TENT5D: variants seen among roughly 807,000 people sequenced by gnomAD.
TENT5D encodes cancer/testis antigen 112.
For synonymous variants in TENT5D, 103 were observed against 100.6 expected (o/e 1.02, Z -0.15); for missense variants, 191 against 287.0 (o/e 0.67, Z 2.42).
At chrX:80,397,447 T>G (rs1403506234) in intron 3 of TENT5D, among the ~76,000 whole-genome samples, 18 of 92,950 alleles carry the variant, frequency 1.9e-4, no homozygotes, top group African/African-American at 7.1e-4. Flanking sequence ...CTTTCCAGAC[T>G]GGGCAGCCAG....
intron 3 of TENT5D, among the ~76,000 whole-genome samples, chrX:80,358,727 TAAG>T (rs1930341491): frequency 8.9e-6 from 1 of 111,989 alleles, no homozygotes; most frequent in Admixed American, 9.5e-5. Flanking sequence ...CAGCTCAATA[TAAG>T]AAGGAAATGT....
rs145232826 is a variant in TENT5D at position 80,437,730 on chromosome X, A to G, written c.-141-880A>G. 2.3e-4 allele frequency among the ~76,000 whole-genome samples: 26 copies of G among 111,831 alleles called. No individual in the cohort carries two copies. In the East Asian group the frequency reaches 5.1e-3, roughly 22 times the overall value. On this transcript the variant is annotated intron_variant, in intron 1 of 2. Coordinates refer to ENST00000308293, the Ensembl canonical transcript of TENT5D. Reference sequence around the variant, plus strand: ...TCTTGGAAACAAATGCAATGTGTCAAATAAAATATCTAATACCTCTTTCCA... The same window carrying G: ...TCTTGGAAACAAATGCAATGTGTCAGATAAAATATCTAATACCTCTTTCCA...
In TENT5D at chrX:80,370,629, G is replaced by A. The variant is rs369051073; in HGVS notation, c.-142+28065G>A. On this transcript the variant is annotated intron_variant, in intron 3 of 4. Coordinates refer to the TENT5D transcript ENST00000538312. Reference sequence around the variant, plus strand: ...TGCTTAATAGTCTGTTATCTAAAATGTGTCTGACTTTTACTAGAGGCTTAA... The same window carrying A: ...TGCTTAATAGTCTGTTATCTAAAATATGTCTGACTTTTACTAGAGGCTTAA... Among the ~76,000 whole-genome samples the A allele has an allele frequency of 3.0e-4, 34 of 111,864 alleles. No homozygotes were observed. In the South Asian group the frequency reaches 0.011, roughly 37 times the overall value.
upstream of TENT5D, among the ~76,000 whole-genome samples, chrX:80,415,957 A>T (rs960659785): frequency 9.0e-6 from 1 of 110,958 alleles, no homozygotes; most frequent in Non-Finnish European, 1.9e-5. Context: ...TTTATTACTG[A>T]TTTGATTTTA....
At chrX:80,355,573 G>C (rs971331856) in intron 3 of TENT5D, among the ~76,000 whole-genome samples, 1 of 111,801 alleles carries the variant, frequency 8.9e-6, no homozygotes, top group Non-Finnish European at 1.9e-5. Flanking sequence ...TTCTCTGGCA[G>C]CTCAAATGTC....
intron 3 of TENT5D, among the ~76,000 whole-genome samples, chrX:80,398,069 C>T (rs986021767): frequency 8.9e-6 from 1 of 112,256 alleles, no homozygotes; most frequent in Non-Finnish European, 1.9e-5. Flanking sequence ...TACATCCTCA[C>T]CAGCGTCTGT....
chrX:80,409,242 T>C (rs1602212749), intron 3 of TENT5D, among the ~76,000 whole-genome samples: 2 of 111,286 alleles, frequency 1.8e-5, no homozygotes, highest in East Asian at 5.7e-4. Flanking sequence ...TTGGAAGTTC[T>C]GGCCAGGGCA....
At chrX:80,434,160 A>AC (rs397813707) in intron 1 of TENT5D, among the ~76,000 whole-genome samples, 1 of 106,313 alleles carries the variant, frequency 9.4e-6, no homozygotes, top group Non-Finnish European at 1.9e-5. Flanking sequence ...CAAAAAAAAA[A>AC]GGGAAATGGA....
chrX:80,408,821 T>C (rs1931565620), intron 3 of TENT5D, among the ~76,000 whole-genome samples: 1 of 110,595 alleles, frequency 9.0e-6, no homozygotes, highest in Non-Finnish European at 1.9e-5. Flanking sequence ...ATCAATATCC[T>C]TGATGAACAT....
At chrX:80,380,147 T>A (rs1190974814) in intron 3 of TENT5D, among the ~76,000 whole-genome samples, 1 of 109,551 alleles carries the variant, frequency 9.1e-6, no homozygotes, top group Non-Finnish European at 1.9e-5. Flanking sequence ...CCAGAGATTC[T>A]GGTATGTTGT....
intron 3 of TENT5D, among the ~76,000 whole-genome samples, chrX:80,388,399 T>C (rs762772174): frequency 8.9e-6 from 1 of 112,188 alleles, no homozygotes; most frequent in South Asian, 3.7e-4. Flanking sequence ...TGATGTGTAC[T>C]GGCCAGCTAC....
intron 1 of TENT5D, among the ~76,000 whole-genome samples, chrX:80,424,935 A>G (rs1226260454): frequency 1.8e-5 from 2 of 112,343 alleles, no homozygotes; most frequent in Non-Finnish European, 3.8e-5. Flanking sequence ...TTTCAAGAGC[A>G]TGGTGTTCTG....
At chrX:80,410,463 C>T (rs1439644108) in intron 3 of TENT5D, among the ~76,000 whole-genome samples, 2 of 86,548 alleles carry the variant, frequency 2.3e-5, no homozygotes, top group East Asian at 7.3e-4. Flanking sequence ...CAAAAGAAGA[C>T]ATTTATGCAG....
At chrX:80,443,160 G>A in exon 3 of TENT5D, 2 of 1,211,204 alleles carry the variant, frequency 1.7e-6, no homozygotes, top group Non-Finnish European at 2.2e-6. Flanking sequence ...CTGAAAGCAT[G>A]TATGGAGACT....
intron 3 of TENT5D, among the ~76,000 whole-genome samples, chrX:80,367,241 A>T (rs1014779160): frequency 9.0e-6 from 1 of 111,709 alleles, no homozygotes; most frequent in Non-Finnish European, 1.9e-5. Context: ...TACAATTAGA[A>T]TTCTGATTTT....
intron 3 of TENT5D, among the ~76,000 whole-genome samples, chrX:80,392,607 C>G (rs1477013339): frequency 5.1e-5 from 5 of 98,487 alleles, no homozygotes; most frequent in Non-Finnish European, 6.0e-5. Flanking sequence ...AGCTCCGCTT[C>G]CCGGGTTCAC....
chrX:80,431,088 A>C (rs2147565312), intron 1 of TENT5D, among the ~76,000 whole-genome samples: 1 of 112,085 alleles, frequency 8.9e-6, no homozygotes, highest in East Asian at 2.8e-4. Flanking sequence ...CCAAATATAA[A>C]ATCCCATTGT....
Position 80,355,752 on chromosome X carries a change from C to T in TENT5D, c.-142+13188C>T, listed in dbSNP as rs753861376. Among the ~76,000 whole-genome samples, 208 of 111,981 alleles carry T rather than the reference C, an allele frequency of 1.9e-3. 3 individuals are homozygous for T. The highest frequency in any genetic ancestry group is 6.0e-3 in the African/African-American group (185 of 30,841). On this transcript the variant is annotated intron_variant, in intron 3 of 4. Coordinates refer to the TENT5D transcript ENST00000538312. ...GTTCCCAGCTTCCTCCCTTTTCAGC[C>T]TGGGGTCTGCAACCTCTTTCTGTCT...
chrX:80,407,037 G>A (rs1255410886), intron 3 of TENT5D, among the ~76,000 whole-genome samples: 2 of 108,086 alleles, frequency 1.9e-5, no homozygotes, highest in East Asian at 2.9e-4. Flanking sequence ...ATACTTTACA[G>A]ACAAGCAAAT....
Sources: gnomAD v4.1 joint callset for allele counts (sites outside exome capture counted in the v4.1 genomes callset) on GRCh38, gnomAD v4.1.1 for gene constraint, MANE v1.5 for transcripts, NCBI Gene and HGNC (gene_info 2026-07-23, HGNC 2026-07-21) for gene names.